The following TTN variants were observed in gnomAD, a reference collection of about 807,000 sequenced individuals.
TTN encodes the protein titin.
TTN carries 1,525 observed loss-of-function variants against 3,223.0 expected under a neutral mutation model. That is an observed-to-expected ratio of 0.47 (90% CI 0.45 to 0.49). The LOEUF is 0.49. TTN is among the 20% of genes least tolerant of loss of function. TTN has a pLI of 0.00. For synonymous variants in TTN, 14,094 were observed against 15,161.0 expected (o/e 0.93, Z 5.17); for missense variants, 40,786 against 43,424.0 (o/e 0.94, Z 5.40).
intron 361 of TTN, 96 bp downstream of exon 361, chr2:178,528,178 A>G (rs1443474509): frequency 2.9e-6 from 4 of 1,374,204 alleles, no homozygotes; most frequent in Non-Finnish European, 3.9e-6. Context: ...ATGGAATTTA[A>G]TAAGGCTTCT....
rs1688956866 is a variant in TTN, at chr2:178,531,165, A to G, written c.105450T>C (p.Cys35150=). 5 of 1,613,992 alleles carry G rather than the reference A, an allele frequency of 3.1e-6. No homozygotes were observed. Among genetic ancestry groups the G allele is most frequent in the African/African-American group, 2.7e-5 (2 of 75,040 alleles). Residue 35150 remains cysteine, a synonymous_variant, in exon 358 of 363, where the codon TGT becomes TGC. Coordinates refer to ENST00000589042, the MANE Select transcript of TTN (RefSeq NM_001267550.2). ...VYEGESARFS[C]DTDGEPVPTV... ...TTGGTACCGGCTCACCATCGGTGTC[A>G]CAAGAAAACCTTGCAGACTCGCCCT...
In TTN at chr2:178,621,612, A is replaced by G. The variant is rs184078045; in HGVS notation, c.45212T>C (p.Ile15071Thr). Residue 15071 changes from isoleucine to threonine, a missense_variant, in exon 245 of 363, where the codon ATT becomes ACT. Transcript: ENST00000589042. ...CAGTATTTCATATCTTCCTGTTTCA[A>G]TGATCTCCTCATCCCCTTTATACCA... is the stretch of plus-strand genomic sequence containing the variant. ...VIWYKGDEEI[I>T]ETGRYEILTE... is the part of the protein sequence containing the mutation. The G allele has an allele frequency of 2.5e-5, 41 of 1,612,494 alleles. No homozygotes were observed. The East Asian group carries it at 5.6e-4, about 22-fold the overall frequency.
chr2:178,669,480 A>G (rs747601036), intron 158 of TTN, 33 bp from the exon 159 acceptor site: 3 of 1,561,654 alleles, frequency 1.9e-6, no homozygotes, highest in East Asian at 4.5e-5. Context: ...ATTGTTACAG[A>G]TAACAAATAT....
chr2:178,725,361 T>C lies in TTN; in HGVS notation c.20836+7A>G, dbSNP rs923732569. ...CACCAGTTTCTATCGTGGGCTATTG[T>C]ACCAACCTAAGACCATCAGTGTGGC... On this transcript the variant is annotated splice_region_variant and intron_variant, in intron 71 of 362. Transcript: ENST00000589042. 6 of 1,516,838 alleles carry C rather than the reference T, an allele frequency of 4.0e-6. No individual in the cohort carries two copies. The African/African-American group carries it at 8.3e-5, about 21-fold the overall frequency. The allele number at this position is 1,516,838 out of a possible 1,614,324, so 94.0% of individuals were successfully genotyped here.
At position 178,775,756 on chromosome 2, in the gene TTN, A is replaced by G. The variant is rs2154345842; in HGVS notation, c.6108T>C (p.Asp2036=). 1 of 1,613,824 alleles carries G rather than the reference A, an allele frequency of 6.2e-7. No individual in the cohort carries two copies. Among genetic ancestry groups the G allele is most frequent in the Non-Finnish European group, 8.5e-7 (1 of 1,179,956 alleles). ...ACTCTTTGGTCCAGTGGAGAAGTTC[A>G]TCTTTTGTCTTCCTGAGGAGTTCCT... The part of the protein sequence containing the change: ...SYEELLRKTK[D]ELLHWTKELT... Residue 2036 remains aspartate, a synonymous_variant, in exon 28 of 363, where the codon GAT becomes GAC. Transcript: ENST00000589042.
In TTN at chr2:178,664,008, C is replaced by CA. The variant is rs949125365; in HGVS notation, c.36364+6dup. On this transcript the variant is annotated splice_region_variant and intron_variant, in intron 169 of 362. Coordinates refer to ENST00000589042, the MANE Select transcript of TTN (RefSeq NM_001267550.2). ...GTCTTCTGAAGCCTAAAGTCAGTGA[C>CA]AAATACCTTTAACAGGTGGGACTTC... is the stretch of plus-strand genomic sequence containing the variant. The CA allele has an allele frequency of 8.1e-6, 13 of 1,613,140 alleles. No individual in the cohort carries two copies. Among genetic ancestry groups the CA allele is most frequent in the Non-Finnish European group, 1.1e-5 (13 of 1,179,656 alleles).
At chr2:178,600,160 T>G (rs1021562226) in intron 288 of TTN, among the ~76,000 whole-genome samples, 1 of 151,806 alleles carries the variant, frequency 6.6e-6, no homozygotes, top group Non-Finnish European at 1.5e-5. Context: ...AGAGAGGAGA[T>G]TGTAGTAGGA....
Position 178,528,649 on chromosome 2 carries a change from G to GCA in TTN, c.107100_107101dup (p.Ala35701ValfsTer51), listed in dbSNP as rs1463107035. ...TCTAGGCTGTGAGATGAAGGCTGGAGCATCTGAGAGTTCTTTGCTCAGTGT... is the reference window on the plus strand; with the variant it reads ...TCTAGGCTGTGAGATGAAGGCTGGAGCACATCTGAGAGTTCTTTGCTCAGTGT... On this transcript the variant is annotated frameshift_variant, in exon 360 of 363. Transcript: ENST00000589042. LOFTEE classifies it high-confidence loss of function. The GCA allele has an allele frequency of 1.2e-6, 2 of 1,612,948 alleles. No individual in the cohort carries two copies. Among genetic ancestry groups the GCA allele is most frequent in the Non-Finnish European group, 1.7e-6 (2 of 1,179,388 alleles).
rs763337826 is a variant in TTN at position 178,605,489 on chromosome 2, G to A, written c.53806C>T (p.Arg17936Cys). ...CCAATTTCATTGACAGCTTTGACAC[G>A]GAACTCATACATTTGGTGTTCATCA... is the stretch of plus-strand genomic sequence containing the variant. ...NLDEHQMYEFRVKAVNEIGES... is the reference protein window; with the variant it reads ...NLDEHQMYEFCVKAVNEIGES... Residue 17936 changes from arginine (R) to cysteine (C), a missense_variant, in exon 279 of 363, where the codon CGT (arginine) becomes TGT (cysteine). Coordinates refer to ENST00000589042, the MANE Select transcript of TTN (RefSeq NM_001267550.2). 1.2e-6 allele frequency: 2 copies of A among 1,611,870 alleles called. No homozygotes were observed. The highest frequency in any genetic ancestry group is 1.3e-5 in the African/African-American group (1 of 74,774).
Position 178,601,750 on chromosome 2 carries a change from G to C in TTN, c.55340C>G (p.Pro18447Arg), listed in dbSNP as rs397517622. The C allele has an allele frequency of 1.9e-6, 3 of 1,608,270 alleles. No individual in the cohort carries two copies. Among genetic ancestry groups the C allele is most frequent in the Admixed American group, 3.4e-5 (2 of 59,188 alleles). The change falls in exon 286 of 363, where the codon CCG (proline) becomes CGG (arginine). Residue 18447 changes from proline (P) to arginine (R), a missense_variant. By Grantham distance (103) the Pro-to-Arg change is moderately radical. Coordinates refer to ENST00000589042, the MANE Select transcript of TTN (RefSeq NM_001267550.2). ...TAENSSVIII[P>R]ECKRSHTGKY... is the part of the protein sequence containing the mutation. ...GCCTGTATGAGATCGTTTACACTCC[G>C]GAATAATAATTACTGAGGAGTTTTC...
Position 178,717,313 on chromosome 2 carries a change from G to C in TTN, c.25421C>G (p.Thr8474Ser). Residue 8474 changes from threonine to serine, a missense_variant, in exon 88 of 363, where the codon ACT becomes AGT. Thr to Ser is a moderately conservative substitution (Grantham distance 58). Coordinates refer to ENST00000589042, the MANE Select transcript of TTN (RefSeq NM_001267550.2). ...SVDLALGESG[T>S]FKCHVTGTAP... The stretch of plus-strand genomic sequence containing the variant: ...AGTCCCAGTTACATGACATTTAAAA[G>C]TACCACTTTCTCCAAGAGCAAGATC... The C allele has an allele frequency of 6.2e-7, 1 of 1,613,606 alleles. No homozygotes were observed. Among genetic ancestry groups the C allele is most frequent in the Non-Finnish European group, 8.5e-7 (1 of 1,179,624 alleles).
At chr2:178,778,036 T>C (rs1365350529) in intron 24 of TTN, 61 bp from the exon 25 acceptor site, 1 of 1,570,918 alleles carries the variant, frequency 6.4e-7, no homozygotes, top group East Asian at 2.3e-5. Flanking sequence ...CAAAACAAAC[T>C]TCATTTTGTC....
intron 99 of TTN, 100 bp downstream of exon 99, chr2:178,709,466 G>C (rs1312296942): frequency 8.1e-7 from 1 of 1,236,036 alleles, no homozygotes; most frequent in African/African-American, 1.5e-5. Flanking sequence ...ATTTATATTT[G>C]TTATAACTTA....
Position 178,746,196 on chromosome 2 carries a change from A to G in TTN, c.11312-4275T>C, listed in dbSNP as rs2083506553. The G allele has an allele frequency of 2.5e-6, 4 of 1,613,248 alleles. No homozygotes were observed. The East Asian group carries it at 8.9e-5, about 36-fold the overall frequency. On this transcript the variant is annotated intron_variant, in intron 47 of 362. Coordinates refer to ENST00000589042, the MANE Select transcript of TTN (RefSeq NM_001267550.2). ...TCGGGAGTCGGGATCCCTATGACTG[A>G]ACATTTGAATACAGCATCTGAATTT... is the stretch of plus-strand genomic sequence containing the variant.
At chr2:178,735,017 G>T in intron 50 of TTN, 29 bp from the exon 51 acceptor site, 2 of 1,502,668 alleles carry the variant, frequency 1.3e-6, no homozygotes, top group South Asian at 2.6e-5. Context: ...AAAGAAAAAG[G>T]AGAAGATATC....
At position 178,799,915 on chromosome 2, in the gene TTN, G is replaced by A. The variant is rs2093973763; in HGVS notation, c.584-5C>T. 1 of 1,613,804 alleles carries A rather than the reference G, an allele frequency of 6.2e-7. No homozygotes were observed. The highest frequency in any genetic ancestry group is 8.5e-7 in the Non-Finnish European group (1 of 1,179,892). Reference sequence around the variant, plus strand: ...TAGCAGGTACTTCTTCTTCACCTGTGGGAAGGGAAAGATGAATGTTTGGGA... The same window carrying A: ...TAGCAGGTACTTCTTCTTCACCTGTAGGAAGGGAAAGATGAATGTTTGGGA... On this transcript the variant is annotated splice_polypyrimidine_tract_variant and splice_region_variant and intron_variant, in intron 4 of 362. Transcript: ENST00000589042.
chr2:178,618,369 G>C lies in TTN; in HGVS notation c.47089C>G (p.Arg15697Gly). Residue 15697 changes from arginine (R) to glycine (G), a missense_variant, in exon 252 of 363, where the codon CGT (arginine) becomes GGT (glycine). By Grantham distance (125) the Arg-to-Gly change is moderately radical. Coordinates refer to ENST00000589042, the MANE Select transcript of TTN (RefSeq NM_001267550.2). The stretch of plus-strand genomic sequence containing the variant: ...ACCCAGGTCTTTCTCTTAATGTCAC[G>C]TCTTTCAACAACGTAACCTATGATT... Reference protein sequence around the residue: ...SKIIGYVVERRDIKRKTWVLA... With the variant: ...SKIIGYVVERGDIKRKTWVLA... 6.2e-7 allele frequency: 1 copy of C among 1,612,458 alleles called. No homozygotes were observed. Among genetic ancestry groups the C allele is most frequent in the Non-Finnish European group, 8.5e-7 (1 of 1,179,096 alleles).
At position 178,695,539 on chromosome 2, in the gene TTN, AC is replaced by A. The variant is rs1056347943; in HGVS notation, c.31208-130del. ...AAGTATTATATTTGGGATCGTTATT[AC>A]CAACACAATTCTTAGTGCTAGGATT... On this transcript the variant is annotated intron_variant, in intron 114 of 362. Transcript: ENST00000589042. The A allele has an allele frequency of 1.7e-5, 12 of 705,952 alleles. No homozygotes were observed. The African/African-American group carries it at 2.1e-4, about 13-fold the overall frequency. The allele number at this position is 705,952 out of a possible 1,614,324, so 43.7% of individuals were successfully genotyped here.
rs1553915541 is a variant in TTN, at chr2:178,725,534, C to T, written c.20670G>A (p.Glu6890=). The T allele has an allele frequency of 6.2e-7, 1 of 1,613,210 alleles. No individual in the cohort carries two copies. Among genetic ancestry groups the T allele is most frequent in the Non-Finnish European group, 8.5e-7 (1 of 1,179,466 alleles). Residue 6890 remains glutamate (E), a synonymous_variant, in exon 71 of 363, where the codon GAG becomes GAA. Coordinates refer to ENST00000589042, the MANE Select transcript of TTN (RefSeq NM_001267550.2). ...CACTTTCTCTAATCACTTCTTCCTT[C>T]TCTTTAAGCCACTGGACAAAAATAG... The part of the protein sequence containing the change: ...AQPIFVQWLK[E]KEEVIRESEN...
Sources: gnomAD v4.1 joint callset for allele counts (sites outside exome capture counted in the v4.1 genomes callset) on GRCh38, gnomAD v4.1.1 for gene constraint, MANE v1.5 for transcripts, NCBI Gene and HGNC (gene_info 2026-07-23, HGNC 2026-07-21) for gene names.